CIT: variants seen among roughly 807,000 people sequenced by gnomAD.
The protein encoded by CIT is citron Rho-interacting kinase.
CIT carries 79 observed loss-of-function variants against 272.7 expected under a neutral mutation model. The ratio of observed to expected loss-of-function variants is 0.29; its 90% CI spans 0.24 to 0.35. The LOEUF (loss-of-function observed/expected upper bound fraction) is 0.35, where lower values mean the gene tolerates loss of function less well. Ranked by LOEUF, CIT falls within the 10% of genes least tolerant of loss-of-function variation. The probability of loss-of-function intolerance (pLI) is 1.00; values close to 1 mark genes in which losing one functional copy is unlikely to be tolerated. For synonymous variants in CIT, 948 were observed against 995.6 expected (o/e 0.95, Z 0.90); for missense variants, 1,909 against 2,618.3 (o/e 0.73, Z 5.91).
chr12:119,827,005 T>A (rs978287482), intron 7 of CIT, among the ~76,000 whole-genome samples: 6 of 152,152 alleles, frequency 3.9e-5, no homozygotes, highest in African/African-American at 1.4e-4. Context: ...GAAACAGACC[T>A]ATTCTTCCCT....
At chr12:119,715,058 C>T (rs1957381213) in intron 32 of CIT, among the ~76,000 whole-genome samples, 2 of 152,228 alleles carry the variant, frequency 1.3e-5, no homozygotes, top group South Asian at 4.2e-4. Context: ...GGGTGGTTTC[C>T]CCCATACTGT....
intron 23 of CIT, among the ~76,000 whole-genome samples, chr12:119,749,436 C>A (rs56246198): frequency 1.3e-5 from 2 of 152,248 alleles, no homozygotes; most frequent in Middle Eastern, 3.4e-3. Flanking sequence ...TTGGAAAAGA[C>A]GTTTTTCAGA....
chr12:119,793,711 G>C (rs1198550198), intron 10 of CIT, among the ~76,000 whole-genome samples: 1 of 152,140 alleles, frequency 6.6e-6, no homozygotes, highest in African/African-American at 2.4e-5. Context: ...ACTTATTTTT[G>C]CTAACCGACT....
intron 32 of CIT, among the ~76,000 whole-genome samples, chr12:119,715,649 A>G (rs2137092950): frequency 6.6e-6 from 1 of 152,310 alleles, no homozygotes; most frequent in African/African-American, 2.4e-5. Context: ...ACTTACTGAA[A>G]AAGACTGAAT....
chr12:119,831,092 C>T (rs1328045086), intron 7 of CIT, among the ~76,000 whole-genome samples: 2 of 152,146 alleles, frequency 1.3e-5, no homozygotes, highest in African/African-American at 2.4e-5. Context: ...TCTCAAACTC[C>T]AGCAATCCTC....
intron 20 of CIT, among the ~76,000 whole-genome samples, chr12:119,760,300 A>C (rs2137492887): frequency 6.6e-6 from 1 of 152,178 alleles, no homozygotes; most frequent in Non-Finnish European, 1.5e-5. Flanking sequence ...ACAACTGCCT[A>C]TGTGGATTAG....
chr12:119,835,833 C>T (rs1288227396), intron 5 of CIT, among the ~76,000 whole-genome samples: 2 of 152,072 alleles, frequency 1.3e-5, no homozygotes, highest in African/African-American at 4.8e-5. Context: ...AACCAGAGAC[C>T]CCTGGAGAAG....
At chr12:119,754,562 C>T (rs1034478178) in intron 22 of CIT, among the ~76,000 whole-genome samples, 16 of 152,194 alleles carry the variant, frequency 1.1e-4, no homozygotes, top group African/African-American at 3.9e-4. Flanking sequence ...ATCTTTGTGA[C>T]TCCACACACC....
At position 119,851,756 on chromosome 12, in the gene CIT, G is replaced by A. The variant is rs377042180; in HGVS notation, c.415-1481C>T. ...AAATACTTTTTTAATTACAAAGGAG[G>A]CTGGGTGCAGTGGCTCATGCCTGTA... On this transcript the variant is annotated intron_variant, in intron 4 of 47. Coordinates refer to ENST00000392521, the MANE Select transcript of CIT (RefSeq NM_001206999.2). 5.3e-5 allele frequency among the ~76,000 whole-genome samples: 8 copies of A among 152,330 alleles called. No individual in the cohort carries two copies. The South Asian group carries it at 1.5e-3, about 28-fold the overall frequency.
At chr12:119,855,624 G>GC (rs1462474776) in intron 4 of CIT, among the ~76,000 whole-genome samples, 2 of 151,784 alleles carry the variant, frequency 1.3e-5, no homozygotes, top group Non-Finnish European at 2.9e-5. Flanking sequence ...ATTCCAAATG[G>GC]CTCAGTTAAG....
chr12:119,795,974 A>T (rs1433638909), intron 10 of CIT, among the ~76,000 whole-genome samples: 1 of 152,266 alleles, frequency 6.6e-6, no homozygotes, highest in Non-Finnish European at 1.5e-5. Flanking sequence ...GTCTAATTCA[A>T]TTCAACAAAT....
At chr12:119,689,717 A>G (rs1221891164) in intron 47 of CIT, among the ~76,000 whole-genome samples, 51 of 114,030 alleles carry the variant, frequency 4.5e-4, no homozygotes, top group African/African-American at 1.1e-3. Context: ...TCGCTCTGTC[A>G]CCCAGGCTGG....
chr12:119,792,623 C>T (rs1965400524), intron 10 of CIT, among the ~76,000 whole-genome samples: 2 of 152,106 alleles, frequency 1.3e-5, no homozygotes, highest in Admixed American at 6.5e-5. Flanking sequence ...GCACGCGCCA[C>T]TGTACCCAGC....
chr12:119,689,142 G>C (rs574961549), intron 47 of CIT, among the ~76,000 whole-genome samples: 56 of 151,954 alleles, frequency 3.7e-4, no homozygotes, highest in Middle Eastern at 3.4e-3. Context: ...TCACACCACT[G>C]CACTCCAGCC....
intron 8 of CIT, among the ~76,000 whole-genome samples, chr12:119,823,181 G>A (rs1967872023): frequency 6.6e-6 from 1 of 152,010 alleles, no homozygotes; most frequent in Non-Finnish European, 1.5e-5. Flanking sequence ...CCTTTGTAGG[G>A]GTTCAGCGTC....
intron 22 of CIT, among the ~76,000 whole-genome samples, chr12:119,756,523 C>G (rs771666632): frequency 2.6e-5 from 4 of 152,174 alleles, no homozygotes; most frequent in Admixed American, 6.5e-5. Flanking sequence ...CTCCTTGGCC[C>G]GCGGCCCATC....
Position 119,825,353 on chromosome 12 carries a change from G to C in CIT, c.769C>G (p.Pro257Ala). Residue 257 changes from proline (P) to alanine (A), a missense_variant, in exon 8 of 48, where the codon CCG becomes GCG. By Grantham distance (27) the Pro-to-Ala change is conservative. Coordinates refer to ENST00000392521, the MANE Select transcript of CIT (RefSeq NM_001206999.2). ...NSNKMVNAKL[P>A]IGTPDYMAPE... ...GCCATGTAATCTGGGGTCCCAATCG[G>C]GAGTTTGGCATTCACCTAGAATCCC... 6.2e-7 allele frequency: 1 copy of C among 1,613,896 alleles called. No homozygotes were observed. The highest frequency in any genetic ancestry group is 8.5e-7 in the Non-Finnish European group (1 of 1,179,998).
chr12:119,838,426 T>TC (rs937563562), intron 5 of CIT, among the ~76,000 whole-genome samples: 1 of 152,142 alleles, frequency 6.6e-6, no homozygotes, highest in African/African-American at 2.4e-5. Flanking sequence ...CATATCTCTT[T>TC]CCCATCCCAA....
intron 13 of CIT, among the ~76,000 whole-genome samples, chr12:119,779,045 C>G (rs1224317238): frequency 6.6e-6 from 1 of 152,072 alleles, no homozygotes; most frequent in Non-Finnish European, 1.5e-5. Context: ...CATAGTGAAA[C>G]CCCATCTCTA....
Sources: gnomAD v4.1 joint callset for allele counts (sites outside exome capture counted in the v4.1 genomes callset) on GRCh38, gnomAD v4.1.1 for gene constraint, MANE v1.5 for transcripts, NCBI Gene and HGNC (gene_info 2026-07-23, HGNC 2026-07-21) for gene names.